Variants in CFAP299 observed in about 807,000 individuals in gnomAD.
CFAP299 encodes cilia- and flagella-associated protein 299.
Under a neutral mutation model 27.0 loss-of-function variants are expected in CFAP299, and 21 were observed. The observed-to-expected ratio is 0.78, with a 90% CI of 0.55 to 1.12. The LOEUF is 1.12. CFAP299 is among the 50% of genes most tolerant of loss of function. The pLI is 0.00. For synonymous variants in CFAP299, 104 were observed against 98.1 expected, an observed-to-expected ratio of 1.06 and a Z score of -0.36; for missense variants, 310 against 276.6, an observed-to-expected ratio of 1.12 and a Z score of -0.86.
At chr4:80,779,166 G>A (rs181064977) in intron 3 of CFAP299, among the ~76,000 whole-genome samples, 97 of 152,108 alleles carry the variant, frequency 6.4e-4, no homozygotes, top group African/African-American at 2.3e-3. Flanking sequence ...CAAACTATGG[G>A]CAAAGCTAAA....
chr4:80,388,424 G>A (rs1725141309), intron 2 of CFAP299: 2 of 788,204 alleles, frequency 2.5e-6, no homozygotes, highest in Non-Finnish European at 4.4e-6. Context: ...TGCCGAAGGT[G>A]TGTAGATTGT....
chr4:80,481,041 C>T (rs1349077965), intron 2 of CFAP299, among the ~76,000 whole-genome samples: 1 of 151,850 alleles, frequency 6.6e-6, no homozygotes, highest in Admixed American at 6.6e-5. Context: ...GCCATTTAAG[C>T]AGAAATCACA....
chr4:80,639,122 T>C (rs1261808914), intron 3 of CFAP299, among the ~76,000 whole-genome samples: 1 of 152,116 alleles, frequency 6.6e-6, no homozygotes, highest in African/African-American at 2.4e-5. Context: ...CCAAATACCA[T>C]ACATCAGGAG....
chr4:80,535,494 C>CAAAAAAAAAAAAAAAAAAAAAAAAAAAA (rs143122836), intron 2 of CFAP299, among the ~76,000 whole-genome samples: 1 of 33,252 alleles, frequency 3.0e-5, no homozygotes, highest in Non-Finnish European at 8.2e-5. Flanking sequence ...GACTCCGTCT[C>CAAAAAAAAAAAAAAAAAAAAAAAAAAAA]AAAAAAAAAA....
intron 3 of CFAP299, among the ~76,000 whole-genome samples, chr4:80,584,685 T>G (rs1197548631): frequency 6.6e-6 from 1 of 152,090 alleles, no homozygotes; most frequent in Non-Finnish European, 1.5e-5. Flanking sequence ...TATACACATT[T>G]TCCCTTAGTG....
chr4:80,818,670 A>T (rs1167000163), intron 3 of CFAP299, among the ~76,000 whole-genome samples: 1 of 152,170 alleles, frequency 6.6e-6, no homozygotes, highest in Non-Finnish European at 1.5e-5. Context: ...AATGTATAAT[A>T]ATTTTATGAA....
At chr4:80,688,132 C>G (rs1418354733) in intron 3 of CFAP299, among the ~76,000 whole-genome samples, 1 of 152,238 alleles carries the variant, frequency 6.6e-6, no homozygotes, top group African/African-American at 2.4e-5. Flanking sequence ...CGCCATTGCC[C>G]AGGCTTGCTT....
intron 3 of CFAP299, among the ~76,000 whole-genome samples, chr4:80,764,485 C>G (rs1177660082): frequency 6.6e-6 from 1 of 152,158 alleles, no homozygotes; most frequent in East Asian, 1.9e-4. Context: ...AACGCGTTTA[C>G]ATAGTTGGTG....
At chr4:80,541,433 T>C (rs1733990314) in intron 2 of CFAP299, among the ~76,000 whole-genome samples, 1 of 152,160 alleles carries the variant, frequency 6.6e-6, no homozygotes, top group Non-Finnish European at 1.5e-5. Flanking sequence ...ACAAGAACCT[T>C]AGGATATTTT....
chr4:80,561,143 T>C (rs1735018914), intron 2 of CFAP299, among the ~76,000 whole-genome samples: 1 of 152,052 alleles, frequency 6.6e-6, no homozygotes, highest in African/African-American at 2.4e-5. Flanking sequence ...CTTGGGAGAA[T>C]GTAAGAGAAG....
chr4:80,755,666 T>C (rs1327943675), intron 3 of CFAP299, among the ~76,000 whole-genome samples: 1 of 152,114 alleles, frequency 6.6e-6, no homozygotes, highest in Non-Finnish European at 1.5e-5. Context: ...AACTCAAATG[T>C]TCCCTTTTCT....
intron 4 of CFAP299, among the ~76,000 whole-genome samples, chr4:80,902,610 C>CACAA (rs1381492662): frequency 6.7e-6 from 1 of 149,098 alleles, no homozygotes; most frequent in African/African-American, 2.5e-5. Flanking sequence ...CACACACACA[C>CACAA]ACACACACAC....
At chr4:80,960,656 C>G (rs1392383047) in intron 5 of CFAP299, among the ~76,000 whole-genome samples, 1 of 151,786 alleles carries the variant, frequency 6.6e-6, no homozygotes, top group Non-Finnish European at 1.5e-5. Context: ...AGGACATAGA[C>G]AGTGGTGTCA....
At chr4:80,573,025 T>C (rs1490726449) in intron 2 of CFAP299, among the ~76,000 whole-genome samples, 3 of 152,130 alleles carry the variant, frequency 2.0e-5, no homozygotes, top group East Asian at 3.9e-4. Flanking sequence ...CCTCTGTTTT[T>C]AGTTTTCTGA....
At chr4:80,399,128 A>C (rs1424835073) in intron 2 of CFAP299, among the ~76,000 whole-genome samples, 2 of 152,238 alleles carry the variant, frequency 1.3e-5, no homozygotes, top group African/African-American at 2.4e-5. Flanking sequence ...ATGCAAATCA[A>C]AACCACAATG....
intron 2 of CFAP299, among the ~76,000 whole-genome samples, chr4:80,397,584 T>G (rs1257551546): frequency 1.3e-5 from 2 of 152,058 alleles, no homozygotes; most frequent in Non-Finnish European, 1.5e-5. Flanking sequence ...TGTTGTGTCT[T>G]TGTTCTCATT....
At chr4:80,464,119 A>G (rs1729595284) in intron 2 of CFAP299, among the ~76,000 whole-genome samples, 1 of 152,150 alleles carries the variant, frequency 6.6e-6, no homozygotes. Flanking sequence ...CCAATCAAGA[A>G]CTTCTATGCC....
At chr4:80,468,453 G>T (rs1370383320) in intron 2 of CFAP299, among the ~76,000 whole-genome samples, 1 of 151,916 alleles carries the variant, frequency 6.6e-6, no homozygotes, top group African/African-American at 2.4e-5. Context: ...CAACTCCTGA[G>T]CTCAAAGTGT....
chr4:80,478,595 A>G lies in CFAP299; in HGVS notation c.243-104498A>G, dbSNP rs371262508. On this transcript the variant is annotated intron_variant, in intron 2 of 5. Coordinates refer to ENST00000358105, the MANE Select transcript of CFAP299 (RefSeq NM_152770.3). ...AATTCAAAATCAAAAAGGGCCTGACATAATTTTTCAGTTCTAATAAATATG... is the reference window on the plus strand; with the variant it reads ...AATTCAAAATCAAAAAGGGCCTGACGTAATTTTTCAGTTCTAATAAATATG... Among the ~76,000 whole-genome samples, 12 of 152,248 alleles carry G rather than the reference A, an allele frequency of 7.9e-5. No individual in the cohort carries two copies. The East Asian group carries it at 1.5e-3, about 20-fold the overall frequency.
Sources: allele counts gnomAD v4.1 joint callset (sites outside exome capture counted in the v4.1 genomes callset), GRCh38; gene constraint gnomAD v4.1.1; transcripts MANE v1.5; gene names NCBI Gene and HGNC (gene_info 2026-07-23, HGNC 2026-07-21).